PAX5: variants seen among roughly 807,000 people sequenced by gnomAD.
The protein encoded by PAX5 is paired box protein Pax-5.
PAX5 carries 9 observed loss-of-function variants against 43.7 expected under a neutral mutation model. The ratio of observed to expected loss-of-function variants is 0.21; its 90% CI spans 0.12 to 0.36. PAX5 has a LOEUF of 0.36. Ranked by LOEUF, PAX5 falls within the 10% of genes least tolerant of loss-of-function variation. The pLI, the probability that PAX5 is intolerant of heterozygous loss-of-function variation, is 1.00. For synonymous variants in PAX5, 228 were observed against 214.3 expected (o/e 1.06, Z -0.56); for missense variants, 383 against 532.7 (o/e 0.72, Z 2.77).
chr9:36,846,302 C>T lies in PAX5; in HGVS notation c.1099+541G>A, dbSNP rs550695043. The stretch of plus-strand genomic sequence containing the variant: ...GGGCAGAGGGTGGGCACCAGCTGAG[C>T]CCTAAATGGCATGCTTTGTCAGACC... On this transcript the variant is annotated intron_variant, in intron 9 of 9. Coordinates refer to ENST00000358127, the MANE Select transcript of PAX5 (RefSeq NM_016734.3). Among the ~76,000 whole-genome samples the T allele has an allele frequency of 2.0e-4, 31 of 152,292 alleles. 1 individual carries two copies. In the South Asian group the frequency reaches 6.4e-3, roughly 32 times the overall value.
At chr9:36,845,558 C>T (rs1351116721) in intron 9 of PAX5, among the ~76,000 whole-genome samples, 1 of 152,204 alleles carries the variant, frequency 6.6e-6, no homozygotes, top group Non-Finnish European at 1.5e-5. Flanking sequence ...CTTGCAATCT[C>T]CTTGCACAGG....
At chr9:36,976,023 G>A (rs1239625615) in intron 5 of PAX5, among the ~76,000 whole-genome samples, 1 of 152,128 alleles carries the variant, frequency 6.6e-6, no homozygotes, top group African/African-American at 2.4e-5. Flanking sequence ...GACAGTCGCT[G>A]GTATCATCAG....
At chr9:36,905,222 G>T (rs1828717708) in intron 7 of PAX5, among the ~76,000 whole-genome samples, 1 of 152,190 alleles carries the variant, frequency 6.6e-6, no homozygotes. Flanking sequence ...TGCCGGGGAG[G>T]CCGGACCCCT....
chr9:36,901,332 G>A (rs1828374101), intron 7 of PAX5, among the ~76,000 whole-genome samples: 1 of 152,042 alleles, frequency 6.6e-6, no homozygotes, highest in South Asian at 2.1e-4. Context: ...GTTAATTCCT[G>A]CTCATTTCCG....
intron 5 of PAX5, among the ~76,000 whole-genome samples, chr9:36,990,795 C>G (rs1836866219): frequency 6.6e-6 from 1 of 152,216 alleles, no homozygotes; most frequent in South Asian, 2.1e-4. Context: ...GATGGTGGAG[C>G]CCCTGCTTCC....
intron 8 of PAX5, among the ~76,000 whole-genome samples, chr9:36,873,627 C>A (rs1406428349): frequency 1.3e-5 from 2 of 152,154 alleles, no homozygotes; most frequent in African/African-American, 2.4e-5. Context: ...GTGTTAAGAA[C>A]AAAGGCTGTT....
At chr9:37,018,327 G>A (rs933455810) in intron 2 of PAX5, among the ~76,000 whole-genome samples, 5 of 152,068 alleles carry the variant, frequency 3.3e-5, no homozygotes, top group Admixed American at 2.6e-4. Context: ...GGCCCTGGGT[G>A]GATTTAACTC....
At chr9:36,859,514 C>G (rs1478190111) in intron 8 of PAX5, among the ~76,000 whole-genome samples, 15 of 152,164 alleles carry the variant, frequency 9.9e-5, no homozygotes, top group Admixed American at 9.8e-4. Context: ...TCTCCTTCAG[C>G]GTCTGCACCC....
chr9:36,897,900 C>T (rs903535845), intron 7 of PAX5, among the ~76,000 whole-genome samples: 21 of 152,164 alleles, frequency 1.4e-4, no homozygotes, highest in South Asian at 2.1e-4. Flanking sequence ...CCCTGGAGCC[C>T]GGGAGATAGG....
At chr9:36,876,934 C>A (rs1376851724) in intron 8 of PAX5, among the ~76,000 whole-genome samples, 1 of 152,228 alleles carries the variant, frequency 6.6e-6, no homozygotes, top group Non-Finnish European at 1.5e-5. Context: ...AAAAACATGA[C>A]ATCCACTTTT....
intron 8 of PAX5, among the ~76,000 whole-genome samples, chr9:36,871,697 G>A (rs941529907): frequency 6.6e-6 from 1 of 152,218 alleles, no homozygotes; most frequent in South Asian, 2.1e-4. Flanking sequence ...TCATGACCAG[G>A]TTGGTGCAGT....
chr9:36,885,930 C>T (rs192113879), intron 7 of PAX5, among the ~76,000 whole-genome samples: 1 of 152,324 alleles, frequency 6.6e-6, no homozygotes, highest in Non-Finnish European at 1.5e-5. Flanking sequence ...TGCTAGAGCA[C>T]AGTGGCCTCC....
intron 7 of PAX5, among the ~76,000 whole-genome samples, chr9:36,884,977 C>A (rs1039549299): frequency 2.6e-5 from 4 of 152,222 alleles, no homozygotes; most frequent in Non-Finnish European, 5.9e-5. Flanking sequence ...CACAGAGGGG[C>A]TCCTTTGCCT....
At chr9:36,983,140 G>A (rs563063554) in intron 5 of PAX5, among the ~76,000 whole-genome samples, 4 of 152,204 alleles carry the variant, frequency 2.6e-5, no homozygotes, top group East Asian at 1.9e-4. Flanking sequence ...CTGTGTTTCC[G>A]ACATACACAG....
rs1207976690 is a variant in PAX5 at position 37,002,562 on chromosome 9, G to A, written c.604+86C>T. ...TCTGCAGGTAAGGGGGGTGTTCGCG[G>A]GCACCTCTGCTGCCACCCGCGACCG... is the stretch of plus-strand genomic sequence containing the variant. On this transcript the variant is annotated intron_variant, in intron 5 of 9. Transcript: ENST00000358127. 7 of 1,447,468 alleles carry A rather than the reference G, an allele frequency of 4.8e-6. No individual in the cohort carries two copies. The Admixed American group carries it at 1.4e-4, about 29-fold the overall frequency. 89.7% of individuals were successfully genotyped at this position (1,447,468 alleles called of 1,614,324 possible).
chr9:36,880,206 T>C (rs1826279984), intron 8 of PAX5, among the ~76,000 whole-genome samples: 1 of 152,232 alleles, frequency 6.6e-6, no homozygotes, highest in Non-Finnish European at 1.5e-5. Context: ...CTAAGATCCG[T>C]CCTGCTGAGC....
intron 8 of PAX5, among the ~76,000 whole-genome samples, chr9:36,862,641 C>A (rs1054172823): frequency 1.3e-5 from 2 of 152,146 alleles, no homozygotes; most frequent in Non-Finnish European, 2.9e-5. Context: ...TGGCTGGGGG[C>A]GTTTGGTCTG....
chr9:36,837,189 C>A lies in PAX5; in HGVS notation c.*3371G>T, dbSNP rs560447523. ...GGCCTGGAGATCTGAGAATTCACTTCGCCTCTATGTTGCCGTGAGAGCCCC... is the reference window on the plus strand; with the variant it reads ...GGCCTGGAGATCTGAGAATTCACTTAGCCTCTATGTTGCCGTGAGAGCCCC... On this transcript the variant is annotated 3_prime_UTR_variant, in exon 10 of 10. Transcript: ENST00000358127. 3 of 232,952 alleles carry A rather than the reference C, an allele frequency of 1.3e-5. No homozygotes were observed. Among genetic ancestry groups the A allele is most frequent in the Admixed American group, 1.1e-4 (2 of 17,754 alleles). The allele number at this position is 232,952 out of a possible 1,614,324, so 14.4% of individuals were successfully genotyped here. A position where few individuals can be genotyped will look rare whatever the true frequency, so the allele number is the denominator to read the frequency against.
At chr9:36,883,046 C>T (rs903620912) in intron 7 of PAX5, among the ~76,000 whole-genome samples, 1 of 152,212 alleles carries the variant, frequency 6.6e-6, no homozygotes, top group Non-Finnish European at 1.5e-5. Flanking sequence ...CTGCCTGGTA[C>T]AAGTGCTCAC....
Sources: allele counts gnomAD v4.1 joint callset (sites outside exome capture counted in the v4.1 genomes callset), GRCh38; gene constraint gnomAD v4.1.1; transcripts MANE v1.5; gene names NCBI Gene and HGNC (gene_info 2026-07-23, HGNC 2026-07-21).